Variants in DAB2IP observed in about 807,000 individuals in gnomAD.
DAB2IP encodes the protein disabled homolog 2-interacting protein.
Under a neutral mutation model 107.2 loss-of-function variants are expected in DAB2IP, and 28 were observed. The observed-to-expected ratio is 0.26, with a 90% confidence interval of 0.19 to 0.36. The LOEUF (loss-of-function observed/expected upper bound fraction) is 0.36, where lower values mean the gene tolerates loss of function less well. DAB2IP is among the 10% of genes least tolerant of loss of function. The pLI is 1.00. For missense variants in DAB2IP, 1,400 were observed against 1,644.7 expected, an observed-to-expected ratio of 0.85 and a Z score of 2.57; for synonymous variants, 755 against 706.4, an observed-to-expected ratio of 1.07 and a Z score of -1.09.
intron 3 of DAB2IP, among the ~76,000 whole-genome samples, chr9:121,719,499 T>G (rs551581308): frequency 6.6e-6 from 1 of 152,270 alleles, no homozygotes; most frequent in East Asian, 1.9e-4. Context: ...TCATTGAGAC[T>G]GCAGTGAGAG....
intron 12 of DAB2IP, among the ~76,000 whole-genome samples, chr9:121,773,834 A>G (rs529175909): frequency 1.3e-5 from 2 of 152,138 alleles, no homozygotes; most frequent in East Asian, 1.9e-4. Context: ...GCCCCTCCCA[A>G]AATGTTTTCA....
rs115592071 is a variant in DAB2IP, at chr9:121,741,698, A to C, written c.363-15315A>C. Among the ~76,000 whole-genome samples the C allele has an allele frequency of 7.2e-3, 1,088 of 151,802 alleles. 15 individuals are homozygous for C. The highest frequency in any genetic ancestry group is 0.025 in the African/African-American group (1,036 of 41,454). ...TAGAAAGAAACAGGCTGAGAGAAAG[A>C]AATGACTTGGCCACAGTCACTACCC... On this transcript the variant is annotated intron_variant, in intron 3 of 15. Coordinates refer to ENST00000408936, the Ensembl canonical transcript of DAB2IP.
chr9:121,657,774 A>G (rs1311833110), intron 1 of DAB2IP, among the ~76,000 whole-genome samples: 1 of 152,092 alleles, frequency 6.6e-6, no homozygotes, highest in African/African-American at 2.4e-5. Flanking sequence ...CTTCTATTTA[A>G]TTCTGTACTT....
Position 121,702,217 on chromosome 9 carries a change from G to A in DAB2IP, c.362+2759G>A, listed in dbSNP as rs1462372170. 1.3e-5 allele frequency among the ~76,000 whole-genome samples: 2 copies of A among 152,134 alleles called. No homozygotes were observed. Among genetic ancestry groups the A allele is most frequent in the Non-Finnish European group, 2.9e-5 (2 of 68,020 alleles). ...TTGGGGAGGTGGTTTTTTTGCGCTGGAATTCTCTCATCTGGAGGTTGGAAA... is the reference window on the plus strand; with the variant it reads ...TTGGGGAGGTGGTTTTTTTGCGCTGAAATTCTCTCATCTGGAGGTTGGAAA... On this transcript the variant is annotated intron_variant, in intron 3 of 15. Coordinates refer to ENST00000408936, the Ensembl canonical transcript of DAB2IP. This position sits in a 1 kb window ranked among gnomAD's most constrained non-coding sequence, Gnocchi z 4.5.
intron 1 of DAB2IP, among the ~76,000 whole-genome samples, chr9:121,604,551 C>T (rs1342808436): frequency 1.3e-5 from 2 of 152,182 alleles, no homozygotes; most frequent in Non-Finnish European, 2.9e-5. Flanking sequence ...TTTTATGTTG[C>T]CTGGACTTGG....
chr9:121,660,093 AAG>A (rs1341336923), intron 1 of DAB2IP, among the ~76,000 whole-genome samples: 3 of 152,094 alleles, frequency 2.0e-5, no homozygotes, highest in Non-Finnish European at 4.4e-5. Context: ...GTGGTGAGCA[AAG>A]AGGGGAGAAC....
intron 1 of DAB2IP, among the ~76,000 whole-genome samples, chr9:121,674,055 C>A (rs190923923): frequency 6.6e-6 from 1 of 152,308 alleles, no homozygotes; most frequent in Admixed American, 6.5e-5. Flanking sequence ...GTGCAGGACC[C>A]CAAAGCTAGG....
chr9:121,768,345 A>G (rs1000387672), intron 9 of DAB2IP, 87 bp from the exon 10 acceptor site: 7 of 1,403,274 alleles, frequency 5.0e-6, no homozygotes, highest in Non-Finnish European at 7.1e-6. Flanking sequence ...ATAGTGGGGA[A>G]AGCGGGTGGT....
At chr9:121,730,411 A>C (rs1831459526) in intron 3 of DAB2IP, among the ~76,000 whole-genome samples, 1 of 152,214 alleles carries the variant, frequency 6.6e-6, no homozygotes, top group Non-Finnish European at 1.5e-5. Flanking sequence ...TGCCAGGCTC[A>C]CCAATTATAG....
chr9:121,699,283 T>C lies in DAB2IP; in HGVS notation c.229-42T>C, dbSNP rs1829622700. On this transcript the variant is annotated intron_variant, in intron 2 of 15. Coordinates refer to ENST00000408936, the Ensembl canonical transcript of DAB2IP. This position sits in a 1 kb window ranked among gnomAD's most constrained non-coding sequence, Gnocchi z 6.2. ...GGGTCCCGGCCCGCCGCCGCCGCGC[T>C]AACCCCGCCTCCCCTTCCCCCTCTT... 1 of 1,284,120 alleles carries C rather than the reference T, an allele frequency of 7.8e-7. No individual in the cohort carries two copies. The highest frequency in any genetic ancestry group is 2.8e-5 in the Admixed American group (1 of 35,292). 79.5% of individuals were successfully genotyped at this position (1,284,120 alleles called of 1,614,324 possible).
intron 10 of DAB2IP, among the ~76,000 whole-genome samples, chr9:121,769,851 T>C (rs561401138): frequency 1.3e-5 from 2 of 152,362 alleles, no homozygotes; most frequent in East Asian, 1.9e-4. Flanking sequence ...ACATCGGTGA[T>C]AGGGTGCAAC....
At chr9:121,589,902 T>C (rs1432862872) in intron 1 of DAB2IP, among the ~76,000 whole-genome samples, 2 of 146,134 alleles carry the variant, frequency 1.4e-5, no homozygotes, top group Non-Finnish European at 3.0e-5. Context: ...AATTCCTCCT[T>C]CTGCCCAGTC....
At chr9:121,761,458 G>A (rs1357379944) in intron 6 of DAB2IP, among the ~76,000 whole-genome samples, 1 of 152,184 alleles carries the variant, frequency 6.6e-6, no homozygotes, top group Admixed American at 6.5e-5. Flanking sequence ...GCACAGTTGG[G>A]AGCCATACCC....
Position 121,736,573 on chromosome 9 carries a change from T to C in DAB2IP, c.363-20440T>C, listed in dbSNP as rs1296653249. Reference sequence around the variant, plus strand: ...GGGCGGGTGGGAGGGCCCGGAGGGCTGGGGCTGGGGCGGGCCGCTTCCGGG... The same window carrying C: ...GGGCGGGTGGGAGGGCCCGGAGGGCCGGGGCTGGGGCGGGCCGCTTCCGGG... On this transcript the variant is annotated intron_variant, in intron 3 of 15. Coordinates refer to ENST00000408936, the Ensembl canonical transcript of DAB2IP. This position sits in a 1 kb window ranked among gnomAD's most constrained non-coding sequence, Gnocchi z 4.6. 2.3e-4 allele frequency among the ~76,000 whole-genome samples: 1 copy of C among 4,440 alleles called. No individual in the cohort carries two copies. Among genetic ancestry groups the C allele is most frequent in the Non-Finnish European group, 5.0e-4 (1 of 1,992 alleles). The allele number at this position is 4,440 out of a possible 152,430, so 2.9% of individuals were successfully genotyped here.
chr9:121,624,100 C>T (rs1338965471), intron 1 of DAB2IP, among the ~76,000 whole-genome samples: 1 of 152,242 alleles, frequency 6.6e-6, no homozygotes, highest in East Asian at 1.9e-4. Flanking sequence ...TCACTCCTCT[C>T]CTAGTGCCAC....
chr9:121,575,152 A>G (rs1830027325), intron 1 of DAB2IP: 1 of 152,282 alleles, frequency 6.6e-6, no homozygotes, highest in Non-Finnish European at 1.5e-5. Context: ...TGTGCATAGG[A>G]CGCGGACATT....
At chr9:121,569,966 T>TTGTG (rs1554843229) in intron 1 of DAB2IP, among the ~76,000 whole-genome samples, 1 of 151,606 alleles carries the variant, frequency 6.6e-6, no homozygotes, top group Non-Finnish European at 1.5e-5. Context: ...ATTAAAATTT[T>TTGTG]TGTGTGTGTG....
chr9:121,740,057 G>T (rs1215005851), intron 3 of DAB2IP, among the ~76,000 whole-genome samples: 31 of 152,188 alleles, frequency 2.0e-4, no homozygotes, highest in Admixed American at 2.0e-3. Context: ...ACAGACAGGT[G>T]TGTTGAGTAG....
upstream of DAB2IP, among the ~76,000 whole-genome samples, chr9:121,650,140 C>A (rs1457426247): frequency 2.0e-5 from 3 of 152,210 alleles, no homozygotes; most frequent in Non-Finnish European, 4.4e-5. Context: ...CTGGCCTAAC[C>A]CAAAGGAGGC....
Sources: gnomAD v4.1 joint callset for allele counts (sites outside exome capture counted in the v4.1 genomes callset) on GRCh38, gnomAD v4.1.1 for gene constraint, Gnocchi (gnomAD v3.1) non-coding constraint, MANE v1.5 for transcripts, NCBI Gene and HGNC (gene_info 2026-07-23, HGNC 2026-07-21) for gene names.